B9D1: variants seen among roughly 807,000 people sequenced by gnomAD.
B9D1 encodes B9 domain-containing protein 1.
In B9D1, 20 loss-of-function variants were observed where a neutral mutation model predicts 26.1. The observed-to-expected ratio is 0.77, with a 90% CI of 0.54 to 1.12. The LOEUF is 1.12. B9D1 is among the 50% of genes most tolerant of loss of function. The pLI, the probability that B9D1 is intolerant of heterozygous loss-of-function variation, is 0.00. For missense variants in B9D1, 260 were observed against 273.7 expected (o/e 0.95, Z 0.35); for synonymous variants, 105 against 103.1 (o/e 1.02, Z -0.11).
chr17:19,364,526 A>G (rs1911468673), upstream of B9D1: 1 of 152,250 alleles, frequency 6.6e-6, no homozygotes, highest in African/African-American at 2.4e-5. The surrounding 1 kb of genome is among the most constrained non-coding windows in gnomAD (Gnocchi z 4.3). Flanking sequence ...TTGGAGGAGA[A>G]GGTAGTTTCT....
chr17:19,357,601 G>A (rs954890193), intron 3 of B9D1: 2 of 559,796 alleles, frequency 3.6e-6, no homozygotes, highest in Non-Finnish European at 6.6e-6. Context: ...TAGCCCTGAT[G>A]CACTCTGAAC....
At chr17:19,351,133 C>T (rs1909542638) in intron 3 of B9D1, among the ~76,000 whole-genome samples, 1 of 152,096 alleles carries the variant, frequency 6.6e-6, no homozygotes, top group Non-Finnish European at 1.5e-5. Context: ...GCCATGGTGC[C>T]TGGCCTGACT....
chr17:19,366,421 G>C (rs570526549), upstream of B9D1, among the ~76,000 whole-genome samples: 13 of 152,034 alleles, frequency 8.6e-5, no homozygotes, highest in Non-Finnish European at 1.6e-4. Context: ...GAGGGCAGCT[G>C]GCTGAGACCA....
chr17:19,377,766 G>C, intron 1 of B9D1: 5 of 926,806 alleles, frequency 5.4e-6, no homozygotes, highest in Non-Finnish European at 6.4e-6. Flanking sequence ...GGGCTCCGCA[G>C]AGGAGCAGAG....
intron 3 of B9D1, among the ~76,000 whole-genome samples, chr17:19,355,528 TAA>T (rs368938633): frequency 4.3e-5 from 6 of 138,042 alleles, no homozygotes; most frequent in East Asian, 2.1e-4. Context: ...TGTCTGCAAT[TAA>T]AAAAAAAAAA....
intron 1 of B9D1, among the ~76,000 whole-genome samples, chr17:19,374,641 ATGTC>A (rs1411380882): frequency 2.0e-5 from 3 of 152,214 alleles, no homozygotes; most frequent in Non-Finnish European, 2.9e-5. Context: ...ACTCATCTAA[ATGTC>A]TATCTAGGGG....
chr17:19,363,470 C>T (rs1002190556), upstream of B9D1, among the ~76,000 whole-genome samples: 7 of 152,192 alleles, frequency 4.6e-5, no homozygotes, highest in Non-Finnish European at 4.4e-5. Flanking sequence ...AAGACATCTC[C>T]ATTTTACAGA....
At chr17:19,362,758 C>G, upstream of B9D1, 142 of 1,118,298 alleles carry the variant, frequency 1.3e-4, no homozygotes, top group East Asian at 2.5e-4. Flanking sequence ...TATAAGGGGG[C>G]GGGGCACAAG....
chr17:19,340,039 C>A (rs1008354216), downstream of B9D1, among the ~76,000 whole-genome samples: 2 of 143,336 alleles, frequency 1.4e-5, no homozygotes, highest in African/African-American at 2.5e-5. Context: ...CCCAACCCCC[C>A]CCCCCCCCCG....
chr17:19,377,849 G>A (rs374223349), intron 1 of B9D1: 21 of 985,320 alleles, frequency 2.1e-5, no homozygotes, highest in Non-Finnish European at 2.3e-5. Flanking sequence ...AACGAGCGGA[G>A]GGAAGATACC....
chr17:19,362,225 A>G (rs1392709972), intron 1 of B9D1, among the ~76,000 whole-genome samples: 2 of 152,228 alleles, frequency 1.3e-5, no homozygotes, highest in African/African-American at 4.8e-5. Context: ...CAGTGATCCA[A>G]GCAAGTGGGC....
At chr17:19,362,326 G>A (rs1293848390) in intron 1 of B9D1, among the ~76,000 whole-genome samples, 181 bp downstream of exon 1, 1 of 152,232 alleles carries the variant, frequency 6.6e-6, no homozygotes, top group African/African-American at 2.4e-5. Context: ...TGCACATCGG[G>A]ACTCAGGATC....
Position 19,347,889 on chromosome 17 carries a change from G to C in B9D1, c.245-9C>G, listed in dbSNP as rs775514861. On this transcript the variant is annotated splice_polypyrimidine_tract_variant and intron_variant, in intron 3 of 6. Coordinates refer to ENST00000261499, the MANE Select transcript of B9D1 (RefSeq NM_015681.6). The surrounding 1 kb of genome is among the most constrained non-coding windows in gnomAD (Gnocchi z 4.3). ...GAGCACGATCTGTGGCCCTTGGGAA[G>C]GACAAGGCAGGGGGTGGGCACATGA... is the stretch of plus-strand genomic sequence containing the variant. 3 of 1,613,200 alleles carry C rather than the reference G, an allele frequency of 1.9e-6. No homozygotes were observed. In the South Asian group the frequency reaches 3.3e-5, roughly 18 times the overall value.
downstream of B9D1, among the ~76,000 whole-genome samples, chr17:19,338,009 T>C (rs557047810): frequency 2.0e-5 from 3 of 152,336 alleles, no homozygotes; most frequent in South Asian, 2.1e-4. Flanking sequence ...TTCTCAAACA[T>C]AGACAGTAAG....
chr17:19,346,846 C>T (rs1455130085), intron 5 of B9D1: 1 of 1,268,998 alleles, frequency 7.9e-7, no homozygotes, highest in Non-Finnish European at 1.0e-6. Flanking sequence ...GCTCTTCCCT[C>T]CACACTAAGC....
intron 1 of B9D1, among the ~76,000 whole-genome samples, 180 bp from the exon 2 acceptor site, chr17:19,360,568 C>G (rs572900811): frequency 6.6e-6 from 1 of 152,270 alleles, no homozygotes; most frequent in East Asian, 1.9e-4. Flanking sequence ...CCACGGGAGA[C>G]TCCCAGGTGC....
downstream of B9D1, among the ~76,000 whole-genome samples, chr17:19,338,983 G>A (rs1438285903): frequency 6.6e-6 from 1 of 152,206 alleles, no homozygotes; most frequent in African/African-American, 2.4e-5. Flanking sequence ...GACATAAGCT[G>A]CCTTATTTCC....
intron 2 of B9D1, among the ~76,000 whole-genome samples, 183 bp from the exon 3 acceptor site, chr17:19,358,134 C>T (rs909721351): frequency 6.6e-6 from 1 of 152,096 alleles, no homozygotes. Flanking sequence ...GGTACTTTAA[C>T]GCCGTAGCTT....
chr17:19,366,048 G>A (rs1241823677), upstream of B9D1, among the ~76,000 whole-genome samples: 1 of 151,882 alleles, frequency 6.6e-6, no homozygotes, highest in Non-Finnish European at 1.5e-5. Flanking sequence ...CCACTCTTGT[G>A]AAGTCTTCCT....
Sources: allele counts gnomAD v4.1 joint callset (sites outside exome capture counted in the v4.1 genomes callset), GRCh38; gene constraint gnomAD v4.1.1; non-coding constraint Gnocchi (gnomAD v3.1); transcripts MANE v1.5; gene names NCBI Gene and HGNC (gene_info 2026-07-23, HGNC 2026-07-21).